Variants in FBLIM1 observed in about 807,000 individuals in gnomAD.
FBLIM1 encodes filamin binding LIM protein 1, also known as filamin-binding LIM protein 1.
In FBLIM1, 29 loss-of-function variants were observed where a neutral mutation model predicts 37.4. The ratio of observed to expected loss-of-function variants is 0.77; its 90% confidence interval spans 0.58 to 1.06. The LOEUF is 1.06. Ranked by LOEUF, FBLIM1 falls within the 50% of genes least tolerant of loss-of-function variation. FBLIM1 has a pLI of 0.00. For synonymous variants in FBLIM1, 193 were observed against 199.0 expected, an observed-to-expected ratio of 0.97 and a Z score of 0.25; for missense variants, 449 against 505.6, an observed-to-expected ratio of 0.89 and a Z score of 1.07.
intron 1 of FBLIM1, among the ~76,000 whole-genome samples, chr1:15,762,112 A>G (rs1279897695): frequency 3.3e-5 from 5 of 150,814 alleles, no homozygotes; most frequent in Non-Finnish European, 1.5e-5. Context: ...TTTTCGAGAC[A>G]GAGTTTCACT....
intron 5 of FBLIM1, among the ~76,000 whole-genome samples, chr1:15,769,884 C>T (rs761265872): frequency 9.2e-5 from 14 of 151,982 alleles, no homozygotes; most frequent in Admixed American, 3.9e-4. Flanking sequence ...CCGCCCACCT[C>T]GGCATCCCAA....
At chr1:15,779,433 C>A (rs2069580449) in intron 8 of FBLIM1, among the ~76,000 whole-genome samples, 1 of 151,714 alleles carries the variant, frequency 6.6e-6, no homozygotes, top group African/African-American at 2.4e-5. Context: ...GCCTACCAAG[C>A]AGCTGGGACT....
chr1:15,770,238 T>A (rs1418869521), intron 5 of FBLIM1, among the ~76,000 whole-genome samples, 171 bp from the exon 6 acceptor site: 2 of 152,112 alleles, frequency 1.3e-5, no homozygotes, highest in African/African-American at 4.8e-5. Flanking sequence ...TGAGCCACCA[T>A]GCCTGACTCA....
intron 7 of FBLIM1, among the ~76,000 whole-genome samples, chr1:15,775,530 GTC>G (rs2069458020): frequency 6.9e-6 from 1 of 145,078 alleles, no homozygotes; most frequent in South Asian, 2.2e-4. Context: ...GTGAGACTCT[GTC>G]TCAAAAAAAA....
Position 15,764,805 on chromosome 1 carries a change from C to G in FBLIM1, c.-21+120C>G, listed in dbSNP as rs539730501. The G allele has an allele frequency of 3.3e-6, 3 of 904,690 alleles. No individual in the cohort carries two copies. In the Admixed American group the frequency reaches 7.2e-5, roughly 22 times the overall value. The allele number at this position is 904,690 out of a possible 1,614,324, so 56.0% of individuals were successfully genotyped here. On this transcript the variant is annotated intron_variant, in intron 2 of 8. Coordinates refer to ENST00000375766, the MANE Select transcript of FBLIM1 (RefSeq NM_017556.4). ...GGTCCTGTCTTCCCCAGCAGGACAC[C>G]CCCACCCCTTCTCTGGCTGGGCTGG...
Position 15,767,386 on chromosome 1 carries a change from CCCT to C in FBLIM1, c.268_270del (p.Pro90del). On this transcript the variant is annotated inframe_deletion, in exon 4 of 9. Coordinates refer to ENST00000375766, the MANE Select transcript of FBLIM1 (RefSeq NM_017556.4). ...CCTCCCCCATTGCAGGATGCCCACCCCCTCCTCCTGTCCTGGATGGTGAGGACG... is the reference window on the plus strand; with the variant it reads ...CCTCCCCCATTGCAGGATGCCCACCCCCTCCTGTCCTGGATGGTGAGGACG... 6.4e-7 allele frequency: 1 copy of C among 1,565,660 alleles called. No individual in the cohort carries two copies. Among genetic ancestry groups the C allele is most frequent in the Non-Finnish European group, 8.7e-7 (1 of 1,156,048 alleles).
intron 6 of FBLIM1, among the ~76,000 whole-genome samples, chr1:15,772,803 A>AT (rs951212837): frequency 3.9e-5 from 6 of 152,094 alleles, no homozygotes; most frequent in East Asian, 1.9e-4. Flanking sequence ...TAATATAGCT[A>AT]TTTTTTTATT....
chr1:15,775,534 C>CAAAA, intron 7 of FBLIM1, among the ~76,000 whole-genome samples: 1 of 84,340 alleles, frequency 1.2e-5, no homozygotes, highest in African/African-American at 4.1e-5. Flanking sequence ...GACTCTGTCT[C>CAAAA]AAAAAAAAAA....
At chr1:15,776,028 A>G (rs974662114) in intron 7 of FBLIM1, among the ~76,000 whole-genome samples, 45 of 152,170 alleles carry the variant, frequency 3.0e-4, no homozygotes, top group African/African-American at 1.1e-3. Context: ...GGTCAGAGAG[A>G]AATTCTGTTT....
chr1:15,764,580 G>C lies in FBLIM1; in HGVS notation c.-126G>C. 1 of 186,440 alleles carries C rather than the reference G, an allele frequency of 5.4e-6. No homozygotes were observed. Among genetic ancestry groups the C allele is most frequent in the East Asian group, 1.6e-4 (1 of 6,444 alleles). 11.5% of individuals were successfully genotyped at this position (186,440 alleles called of 1,614,324 possible). A position where few individuals can be genotyped will look rare whatever the true frequency, so the allele number is the denominator to read the frequency against. On this transcript the variant is annotated 5_prime_UTR_variant, in exon 2 of 9. Coordinates refer to ENST00000375766, the MANE Select transcript of FBLIM1 (RefSeq NM_017556.4). ...AGGTCACTTGGGGTGTGGCCCAGCA[G>C]GCAGGCGGGACTCCAGACTGGGAAC...
intron 1 of FBLIM1, among the ~76,000 whole-genome samples, chr1:15,760,781 T>A (rs912529574): frequency 4.6e-5 from 7 of 152,004 alleles, no homozygotes; most frequent in Non-Finnish European, 1.0e-4. Context: ...TCTCCACTTA[T>A]CTAACTGGAT....
chr1:15,785,998 G>C lies in FBLIM1; in HGVS notation c.*1337G>C, dbSNP rs1458562388. 6.6e-6 allele frequency: 1 copy of C among 152,500 alleles called. No individual in the cohort carries two copies. The highest frequency in any genetic ancestry group is 1.9e-4 in the East Asian group (1 of 5,206). The allele number at this position is 152,500 out of a possible 1,614,324, so 9.4% of individuals were successfully genotyped here. A position where few individuals can be genotyped will look rare whatever the true frequency, so the allele number is the denominator to read the frequency against. On this transcript the variant is annotated 3_prime_UTR_variant, in exon 9 of 9. Coordinates refer to ENST00000375766, the MANE Select transcript of FBLIM1 (RefSeq NM_017556.4). ...CGTTCCTCCTTCAGCCTTGACTTGG[G>C]CCATGCACCCCCTCTCCCCCAAACA...
upstream of FBLIM1, among the ~76,000 whole-genome samples, chr1:15,757,044 G>A (rs1214337098): frequency 6.6e-6 from 1 of 152,210 alleles, no homozygotes; most frequent in Non-Finnish European, 1.5e-5. This position sits in a 1 kb window ranked among gnomAD's most constrained non-coding sequence, Gnocchi z 4.1. Flanking sequence ...CGTCTCTGTC[G>A]TTCAGAGGGT....
chr1:15,762,487 T>A (rs2068721328), intron 1 of FBLIM1, among the ~76,000 whole-genome samples: 1 of 152,120 alleles, frequency 6.6e-6, no homozygotes, highest in Non-Finnish European at 1.5e-5. Context: ...GGTCTTGAAC[T>A]CCTTACCTCG....
rs562962527 is a variant in FBLIM1 at position 15,761,257 on chromosome 1, C to T, written c.-211+2409C>T. Among the ~76,000 whole-genome samples, 8 of 152,190 alleles carry T rather than the reference C, an allele frequency of 5.3e-5. No homozygotes were observed. In the East Asian group the frequency reaches 7.7e-4, roughly 15 times the overall value. On this transcript the variant is annotated intron_variant, in intron 1 of 8. Coordinates refer to ENST00000375766, the MANE Select transcript of FBLIM1 (RefSeq NM_017556.4). ...GTGAGAACAGGCCTGGGAACTTGGG[C>T]GACTTTGTGCCACCCAAGGAAGGAA... is the stretch of plus-strand genomic sequence containing the variant.
chr1:15,780,043 C>A (rs2069596612), intron 8 of FBLIM1, among the ~76,000 whole-genome samples: 1 of 151,664 alleles, frequency 6.6e-6, no homozygotes, highest in South Asian at 2.1e-4. Flanking sequence ...CCACGCCCAG[C>A]TAATTTTTTT....
intron 7 of FBLIM1, 110 bp from the exon 8 acceptor site, chr1:15,777,060 G>A: frequency 2.6e-6 from 2 of 776,672 alleles, no homozygotes; most frequent in East Asian, 2.5e-5. Flanking sequence ...ATAGCAACGG[G>A]ACTGAAATTG....
intron 3 of FBLIM1, among the ~76,000 whole-genome samples, chr1:15,766,122 G>A (rs1386781626): frequency 6.6e-6 from 1 of 151,852 alleles, no homozygotes; most frequent in Non-Finnish European, 1.5e-5. Context: ...TTTCGAGACA[G>A]GGTCTTATTC....
chr1:15,777,130 G>A, intron 7 of FBLIM1, 40 bp from the exon 8 acceptor site: 2 of 1,508,178 alleles, frequency 1.3e-6, no homozygotes, highest in Non-Finnish European at 9.1e-7. Context: ...CTGTGGTTGT[G>A]GCATGAACGC....
Sources: gnomAD v4.1 joint callset for allele counts (sites outside exome capture counted in the v4.1 genomes callset) on GRCh38, gnomAD v4.1.1 for gene constraint, Gnocchi (gnomAD v3.1) non-coding constraint, MANE v1.5 for transcripts, NCBI Gene and HGNC (gene_info 2026-07-23, HGNC 2026-07-21) for gene names.